The following RARB variants were observed in gnomAD, a reference collection of about 807,000 sequenced individuals.
RARB encodes the protein HBV-activated protein.
Under a neutral mutation model 51.9 loss-of-function variants are expected in RARB, and 17 were observed. The observed-to-expected ratio is 0.33, with a 90% CI of 0.22 to 0.49. The LOEUF is 0.49. Among genes scored for constraint, RARB ranks in the 20% least tolerant of loss-of-function variants. RARB has a pLI of 0.99. For missense variants in RARB, 369 were observed against 550.8 expected, an observed-to-expected ratio of 0.67 and a Z score of 3.30; for synonymous variants, 215 against 195.4, an observed-to-expected ratio of 1.10 and a Z score of -0.84.
intron 5 of RARB, among the ~76,000 whole-genome samples, chr3:25,274,815 G>T (rs534557813): frequency 2.0e-5 from 3 of 151,942 alleles, no homozygotes; most frequent in Non-Finnish European, 4.4e-5. Context: ...AATACATAAG[G>T]CATCTTAGGG....
intron 2 of RARB, among the ~76,000 whole-genome samples, chr3:25,478,359 A>C (rs1005664368): frequency 4.6e-5 from 7 of 152,208 alleles, no homozygotes; most frequent in African/African-American, 1.7e-4. Context: ...GTTTTGAATC[A>C]CAGGCTCTTT....
chr3:25,304,222 A>C (rs1432022535), intron 5 of RARB, among the ~76,000 whole-genome samples: 2 of 152,000 alleles, frequency 1.3e-5, no homozygotes, highest in African/African-American at 2.4e-5. Context: ...GGCTCCTCTA[A>C]CCTTATTTTC....
chr3:24,867,057 AG>A lies in RARB; in HGVS notation c.-380+8307del, dbSNP rs1575043677. Among the ~76,000 whole-genome samples, 5 of 152,288 alleles carry A rather than the reference AG, an allele frequency of 3.3e-5. No individual in the cohort carries two copies. The East Asian group carries it at 9.7e-4, about 29-fold the overall frequency. ...AAAAAACGTGAAAAGGCATCTCAAA[AG>A]GCCAAGCTTAGGTTCTACAATAGTG... On this transcript the variant is annotated intron_variant, in intron 2 of 11. Coordinates refer to the RARB transcript ENST00000383772.
chr3:25,117,521 G>A (rs903449624), intron 3 of RARB, among the ~76,000 whole-genome samples: 1 of 152,170 alleles, frequency 6.6e-6, no homozygotes, highest in Non-Finnish European at 1.5e-5. Context: ...AAAGGCCAAA[G>A]GAAGCCAATG....
intron 5 of RARB, among the ~76,000 whole-genome samples, chr3:25,182,449 C>T (rs537820403): frequency 2.0e-5 from 3 of 152,244 alleles, no homozygotes; most frequent in East Asian, 1.9e-4. Flanking sequence ...TAGGAAGTAA[C>T]CATCTAGTAC....
chr3:25,001,390 A>C (rs1051807867), intron 2 of RARB, among the ~76,000 whole-genome samples: 1 of 152,144 alleles, frequency 6.6e-6, no homozygotes, highest in Non-Finnish European at 1.5e-5. Context: ...GACTTTTGTG[A>C]GAGGTTTTGA....
At chr3:25,238,231 A>G (rs1362309065) in intron 5 of RARB, among the ~76,000 whole-genome samples, 1 of 151,780 alleles carries the variant, frequency 6.6e-6, no homozygotes, top group East Asian at 1.9e-4. Context: ...TTTAGTTCCT[A>G]CATATGAATG....
chr3:25,107,377 C>G (rs1603985), intron 3 of RARB, among the ~76,000 whole-genome samples: 80,372 of 152,062 alleles, frequency 0.53, 21,878 homozygotes, highest in East Asian at 0.87. Context: ...CTGAGAGGGG[C>G]CTTTCATTAA....
chr3:25,471,022 CATA>C (rs560055391), intron 2 of RARB, among the ~76,000 whole-genome samples: 52 of 152,120 alleles, frequency 3.4e-4, no homozygotes, highest in Non-Finnish European at 5.6e-4. Context: ...ATAAATAACG[CATA>C]ATAAGATATA....
At chr3:24,858,259 C>T (rs1236977431) in intron 1 of RARB, among the ~76,000 whole-genome samples, 1 of 151,950 alleles carries the variant, frequency 6.6e-6, no homozygotes, top group East Asian at 1.9e-4. Context: ...TCTTCACAGG[C>T]CTGAATTATA....
chr3:25,345,284 CT>C (rs1185509789), intron 5 of RARB, among the ~76,000 whole-genome samples: 1 of 152,140 alleles, frequency 6.6e-6, no homozygotes, highest in Non-Finnish European at 1.5e-5. Flanking sequence ...GCAACTGAGG[CT>C]GCTGAGCAGA....
At chr3:25,209,424 G>T (rs966815926) in intron 5 of RARB, among the ~76,000 whole-genome samples, 1 of 152,194 alleles carries the variant, frequency 6.6e-6, no homozygotes, top group Non-Finnish European at 1.5e-5. Context: ...ATGAAGTCCT[G>T]TAGTCATGTA....
intron 4 of RARB, among the ~76,000 whole-genome samples, chr3:25,155,412 A>G (rs749656243): frequency 6.6e-6 from 1 of 152,172 alleles, no homozygotes; most frequent in Non-Finnish European, 1.5e-5. Flanking sequence ...TCACGGGTCT[A>G]TCTCAGTGCT....
At chr3:25,492,024 A>G (rs940804678) in intron 2 of RARB, among the ~76,000 whole-genome samples, 31 of 152,200 alleles carry the variant, frequency 2.0e-4, no homozygotes, top group African/African-American at 2.4e-5. Flanking sequence ...GCCCTTCTAG[A>G]TGCAAGGCCC....
chr3:24,905,447 A>G (rs1261098347), intron 2 of RARB, among the ~76,000 whole-genome samples: 1 of 152,162 alleles, frequency 6.6e-6, no homozygotes, highest in Non-Finnish European at 1.5e-5. Context: ...CTGTTCCACT[A>G]ACACTGGTGA....
chr3:25,412,745 G>A (rs1354223851), intron 5 of RARB, among the ~76,000 whole-genome samples: 2 of 152,150 alleles, frequency 1.3e-5, no homozygotes, highest in Non-Finnish European at 2.9e-5. Flanking sequence ...ATGGGCCGGG[G>A]GCAGTGGCTC....
At chr3:25,158,478 T>C (rs1207614954) in intron 4 of RARB, among the ~76,000 whole-genome samples, 2 of 152,216 alleles carry the variant, frequency 1.3e-5, no homozygotes, top group Non-Finnish European at 2.9e-5. Flanking sequence ...CAGATTGTCA[T>C]TTGAATTCTT....
chr3:25,357,641 T>G (rs1430119611), intron 5 of RARB, among the ~76,000 whole-genome samples: 1 of 152,218 alleles, frequency 6.6e-6, no homozygotes, highest in Admixed American at 6.5e-5. Context: ...TTTTATGGTT[T>G]TAGGTCTTAC....
intron 5 of RARB, among the ~76,000 whole-genome samples, chr3:25,191,621 T>C (rs1393544834): frequency 6.6e-6 from 1 of 152,134 alleles, no homozygotes; most frequent in African/African-American, 2.4e-5. Flanking sequence ...CTGGATTGTG[T>C]TACAGTAACT....
Sources: allele counts gnomAD v4.1 joint callset (sites outside exome capture counted in the v4.1 genomes callset), GRCh38; gene constraint gnomAD v4.1.1; transcripts MANE v1.5; gene names NCBI Gene and HGNC (gene_info 2026-07-23, HGNC 2026-07-21).